Variants in KCNT2 observed in about 807,000 individuals in gnomAD.
The protein encoded by KCNT2 is potassium channel subfamily T member 2.
Under a neutral mutation model 153.8 loss-of-function variants are expected in KCNT2, and 67 were observed. The observed-to-expected ratio is 0.44, with a 90% CI of 0.36 to 0.53. The LOEUF is 0.53. Ranked by LOEUF, KCNT2 falls within the 20% of genes least tolerant of loss-of-function variation. The pLI is 0.00. For synonymous variants in KCNT2, 500 were observed against 458.8 expected (o/e 1.09, Z -1.15); for missense variants, 975 against 1,354.8 (o/e 0.72, Z 4.40).
chr1:196,467,224 G>C (rs1476198315), intron 7 of KCNT2, among the ~76,000 whole-genome samples: 2 of 152,034 alleles, frequency 1.3e-5, no homozygotes, highest in African/African-American at 4.8e-5. Context: ...CTAAGTGGTT[G>C]AACCAGTCCA....
intron 25 of KCNT2, among the ~76,000 whole-genome samples, chr1:196,260,009 C>T (rs1007184202): frequency 3.3e-5 from 5 of 151,672 alleles, no homozygotes; most frequent in South Asian, 4.2e-4. Flanking sequence ...TACGTACCAC[C>T]AACAATAATA....
intron 1 of KCNT2, among the ~76,000 whole-genome samples, chr1:196,529,373 G>A (rs762081595): frequency 1.3e-5 from 2 of 152,088 alleles, no homozygotes; most frequent in Non-Finnish European, 2.9e-5. Flanking sequence ...ACCCCTTGAT[G>A]TTACAGCTTA....
At chr1:196,448,728 G>T (rs1675904105) in intron 8 of KCNT2, among the ~76,000 whole-genome samples, 1 of 151,526 alleles carries the variant, frequency 6.6e-6, no homozygotes, top group African/African-American at 2.4e-5. Flanking sequence ...GTAGATTGAG[G>T]CTCAGGAAGC....
chr1:196,424,182 C>A (rs1673451283), intron 11 of KCNT2, among the ~76,000 whole-genome samples: 1 of 151,712 alleles, frequency 6.6e-6, no homozygotes, highest in Non-Finnish European at 1.5e-5. Flanking sequence ...ACCAAGACAT[C>A]ATTTTAAGAC....
chr1:196,317,365 G>A, intron 20 of KCNT2: 2 of 342,960 alleles, frequency 5.8e-6, no homozygotes, highest in South Asian at 2.2e-5. Flanking sequence ...AAGTTTAAAT[G>A]CCTAGGGATA....
chr1:196,414,623 C>T (rs1210011527), intron 12 of KCNT2, among the ~76,000 whole-genome samples: 1 of 151,738 alleles, frequency 6.6e-6, no homozygotes, highest in Non-Finnish European at 1.5e-5. Flanking sequence ...TAAAATATGC[C>T]TGCTTATTCT....
intron 16 of KCNT2, 61 bp downstream of exon 16, chr1:196,340,280 T>C: frequency 9.7e-7 from 1 of 1,031,298 alleles, no homozygotes; most frequent in African/African-American, 1.6e-5. Flanking sequence ...TGCATTGGTA[T>C]TTATCATTAT....
intron 1 of KCNT2, among the ~76,000 whole-genome samples, chr1:196,603,931 T>C (rs1665025879): frequency 6.6e-6 from 1 of 152,244 alleles, no homozygotes; most frequent in South Asian, 2.1e-4. Flanking sequence ...AACTTATCAG[T>C]GTTTAACTGC....
chr1:196,482,424 A>G, intron 3 of KCNT2, 45 bp from the exon 4 acceptor site: 1 of 1,057,360 alleles, frequency 9.5e-7, no homozygotes, highest in South Asian at 1.6e-5. Context: ...AATATGAAAA[A>G]TCTATTCACT....
intron 26 of KCNT2, among the ~76,000 whole-genome samples, chr1:196,236,388 CTTGA>C (rs1558053549): frequency 6.6e-6 from 1 of 151,402 alleles, no homozygotes; most frequent in African/African-American, 2.4e-5. Flanking sequence ...AAGATGTTTA[CTTGA>C]TTATTATGCT....
intron 26 of KCNT2, among the ~76,000 whole-genome samples, chr1:196,245,455 C>G (rs1309791697): frequency 6.6e-6 from 1 of 152,076 alleles, no homozygotes; most frequent in African/African-American, 2.4e-5. Context: ...TCTTCAATAC[C>G]CAGACACTGA....
At chr1:196,560,175 C>T (rs1180971727) in intron 1 of KCNT2, among the ~76,000 whole-genome samples, 2 of 151,762 alleles carry the variant, frequency 1.3e-5, no homozygotes, top group African/African-American at 4.8e-5. Flanking sequence ...CTGATGCAGC[C>T]CCTGTGCTTG....
At chr1:196,291,586 A>G (rs1326898031) in intron 22 of KCNT2, among the ~76,000 whole-genome samples, 1 of 152,082 alleles carries the variant, frequency 6.6e-6, no homozygotes, top group Non-Finnish European at 1.5e-5. Flanking sequence ...ATCCAGTTAG[A>G]TTTTTGTGAC....
intron 1 of KCNT2, among the ~76,000 whole-genome samples, chr1:196,606,161 C>T (rs1339918150): frequency 6.6e-6 from 1 of 152,156 alleles, no homozygotes; most frequent in South Asian, 2.1e-4. Context: ...TCCATCCTTC[C>T]TCTTGTCACA....
chr1:196,278,303 G>A (rs905853853), intron 25 of KCNT2, among the ~76,000 whole-genome samples: 1 of 152,082 alleles, frequency 6.6e-6, no homozygotes, highest in South Asian at 2.1e-4. Context: ...AGTGCTTGAT[G>A]TTTCTACTGT....
chr1:196,285,686 T>G lies in KCNT2; in HGVS notation c.2668A>C (p.Ile890Leu). 6.2e-7 allele frequency: 1 copy of G among 1,612,382 alleles called. No individual in the cohort carries two copies. Among genetic ancestry groups the G allele is most frequent in the Non-Finnish European group, 8.5e-7 (1 of 1,178,484 alleles). ...LPFAAGRVFS[I>L]SMLDTLLYQS... ...TACAGCAGAGTGTCCAACATACTGA[T>G]GCTAAACACCCTCCCAGCAGCAAAA... Residue 890 changes from isoleucine to leucine, a missense_variant, in exon 23 of 28, where the codon ATC becomes CTC. Ile to Leu is a conservative substitution (Grantham distance 5, BLOSUM62 2). Transcript: ENST00000294725.
intron 8 of KCNT2, 139 bp from the exon 9 acceptor site, chr1:196,429,896 G>T: frequency 1.7e-6 from 1 of 588,180 alleles, no homozygotes. Context: ...TATTTTTCTA[G>T]GAAAGATATA....
At chr1:196,365,242 CTGAT>C (rs1398501940) in intron 14 of KCNT2, among the ~76,000 whole-genome samples, 1 of 151,978 alleles carries the variant, frequency 6.6e-6, no homozygotes, top group African/African-American at 2.4e-5. Flanking sequence ...TTTATGTCTT[CTGAT>C]TAATTTTCAA....
chr1:196,443,854 A>C (rs1416496283), intron 8 of KCNT2, among the ~76,000 whole-genome samples: 1 of 151,570 alleles, frequency 6.6e-6, no homozygotes, highest in African/African-American at 2.4e-5. Context: ...GTTCCTGATT[A>C]GAGTTCTTCA....
Sources: gnomAD v4.1 joint callset for allele counts (sites outside exome capture counted in the v4.1 genomes callset) on GRCh38, gnomAD v4.1.1 for gene constraint, MANE v1.5 for transcripts, NCBI Gene and HGNC (gene_info 2026-07-23, HGNC 2026-07-21) for gene names.